MYO1D: variants seen among roughly 807,000 people sequenced by gnomAD.
MYO1D encodes the protein myosin ID.
Under a neutral mutation model 122.0 loss-of-function variants are expected in MYO1D, and 83 were observed. The observed-to-expected ratio is 0.68, with a 90% CI of 0.57 to 0.82. The LOEUF (loss-of-function observed/expected upper bound fraction) is 0.82, where lower values mean the gene tolerates loss of function less well. MYO1D is among the 40% of genes least tolerant of loss of function. The pLI is 0.00. For synonymous variants in MYO1D, 464 were observed against 446.9 expected (o/e 1.04, Z -0.48); for missense variants, 1,157 against 1,269.5 (o/e 0.91, Z 1.35).
intron 20 of MYO1D, chr17:32,627,808 A>T (rs1166372698): frequency 6.6e-6 from 1 of 152,202 alleles, no homozygotes; most frequent in African/African-American, 2.4e-5. Flanking sequence ...AGGTAAGGTT[A>T]TATGTTTCGG....
intron 16 of MYO1D, among the ~76,000 whole-genome samples, chr17:32,684,690 A>G (rs1031852713): frequency 6.6e-6 from 1 of 152,292 alleles, no homozygotes; most frequent in South Asian, 2.1e-4. Context: ...GGAAGAAAAT[A>G]CATGGCAGCT....
intron 21 of MYO1D, among the ~76,000 whole-genome samples, chr17:32,518,063 T>C (rs1028516528): frequency 6.6e-6 from 1 of 151,292 alleles, no homozygotes; most frequent in Non-Finnish European, 1.5e-5. Context: ...CATCACCCTC[T>C]GGACAGCACC....
At chr17:32,821,199 A>G (rs1411518161) in intron 1 of MYO1D, among the ~76,000 whole-genome samples, 3 of 152,216 alleles carry the variant, frequency 2.0e-5, no homozygotes. Flanking sequence ...TGCAAGGGAC[A>G]TGATCTCATT....
chr17:32,711,972 T>C lies in MYO1D; in HGVS notation c.2121+16A>G. ...AAAAGCAAAATCTTATCCTTATATA[T>C]AAAATATAAAATTACCTTTTGTAGA... is the stretch of plus-strand genomic sequence containing the variant. On this transcript the variant is annotated intron_variant, in intron 16 of 21. Transcript: ENST00000318217. The C allele has an allele frequency of 6.3e-7, 1 of 1,590,910 alleles. No homozygotes were observed. Among genetic ancestry groups the C allele is most frequent in the African/African-American group, 1.4e-5 (1 of 73,870 alleles).
At chr17:32,555,347 G>T (rs185935899) in intron 21 of MYO1D, among the ~76,000 whole-genome samples, 1 of 152,134 alleles carries the variant, frequency 6.6e-6, no homozygotes, top group East Asian at 1.9e-4. Context: ...ACAATTATAA[G>T]ATAGAATGTA....
At position 32,760,624 on chromosome 17, in the gene MYO1D, T is replaced by A. The variant is rs777640352; in HGVS notation, c.1039A>T (p.Ile347Leu). The change falls in exon 9 of 22, where the codon ATA (isoleucine) becomes TTA (leucine). Residue 347 changes from isoleucine (I) to leucine (L), a missense_variant. Ile to Leu is a conservative substitution (Grantham distance 5, BLOSUM62 2). Coordinates refer to ENST00000318217, the MANE Select transcript of MYO1D (RefSeq NM_015194.3). The stretch of plus-strand genomic sequence containing the variant: ...ATCCAACAAAAAAGGCGCTCATATA[T>A]TGCCTGCAAGGAAAATAGCATCATA... ...SYGRDAFAKA[I>L]YERLFCWIVT... is the part of the protein sequence containing the mutation. 6.2e-7 allele frequency: 1 copy of A among 1,600,650 alleles called. No individual in the cohort carries two copies. Among genetic ancestry groups the A allele is most frequent in the Non-Finnish European group, 8.5e-7 (1 of 1,174,542 alleles).
intron 16 of MYO1D, among the ~76,000 whole-genome samples, chr17:32,708,033 C>T (rs2089329917): frequency 1.3e-5 from 2 of 152,166 alleles, no homozygotes; most frequent in Non-Finnish European, 2.9e-5. Context: ...TTGATCCTCT[C>T]GCTGTAATAA....
Position 32,494,827 on chromosome 17 carries a change from G to T in MYO1D, c.2953C>A (p.Leu985Ile). 1 of 1,613,776 alleles carries T rather than the reference G, an allele frequency of 6.2e-7. No homozygotes were observed. The highest frequency in any genetic ancestry group is 8.5e-7 in the Non-Finnish European group (1 of 1,179,868). The change falls in exon 22 of 22, where the codon CTC becomes ATC. Residue 985 changes from leucine to isoleucine, a missense_variant. By Grantham distance (5) the Leu-to-Ile change is conservative (BLOSUM62 2). Transcript: ENST00000318217. ...GTGAAGTCGGGCTGGGGCTGGTTGA[G>T]CCGCGTCTCCACGGAGACGGTGCAC... Reference protein sequence around the residue: ...KKCTVSVETRLNQPQPDFTKN... With the variant: ...KKCTVSVETRINQPQPDFTKN...
chr17:32,852,093 A>C (rs2090994277), intron 1 of MYO1D, among the ~76,000 whole-genome samples: 1 of 152,224 alleles, frequency 6.6e-6, no homozygotes, highest in African/African-American at 2.4e-5. Context: ...TGGAAGTAGA[A>C]ATTGATATGA....
chr17:32,630,214 C>T (rs1459545101), intron 20 of MYO1D, among the ~76,000 whole-genome samples: 1 of 152,196 alleles, frequency 6.6e-6, no homozygotes, highest in Non-Finnish European at 1.5e-5. Context: ...GCAACAAGCA[C>T]ATCTAGTATT....
chr17:32,779,865 T>C (rs534563106), intron 2 of MYO1D, among the ~76,000 whole-genome samples: 318 of 152,302 alleles, frequency 2.1e-3, no homozygotes, highest in African/African-American at 7.4e-3. Flanking sequence ...GAATAATGAT[T>C]ATAAAAGTGT....
chr17:32,661,246 A>T (rs919586928), intron 16 of MYO1D, among the ~76,000 whole-genome samples: 2 of 152,216 alleles, frequency 1.3e-5, no homozygotes, highest in African/African-American at 4.8e-5. Flanking sequence ...ACAAAAATGC[A>T]TATAAAAAAA....
At chr17:32,734,918 A>AC in intron 14 of MYO1D, 1 of 151,848 alleles carries the variant, frequency 6.6e-6, no homozygotes, top group African/African-American at 2.4e-5. Context: ...AAAAATACAA[A>AC]AAAAAAAAAA....
At chr17:32,672,332 A>G (rs970489627) in intron 16 of MYO1D, among the ~76,000 whole-genome samples, 1 of 152,252 alleles carries the variant, frequency 6.6e-6, no homozygotes, top group African/African-American at 2.4e-5. Context: ...AATGGTATAT[A>G]AAGCAATAAT....
intron 21 of MYO1D, among the ~76,000 whole-genome samples, chr17:32,574,459 C>A (rs556698796): frequency 2.6e-5 from 4 of 152,262 alleles, no homozygotes; most frequent in Non-Finnish European, 4.4e-5. Flanking sequence ...TCCACAAATT[C>A]TTCTCCAAAT....
Position 32,818,125 on chromosome 17 carries a change from CAAAAAAA to C in MYO1D, c.96-37348_96-37342del, listed in dbSNP as rs58466009. On this transcript the variant is annotated intron_variant, in intron 1 of 21. Coordinates refer to ENST00000318217, the MANE Select transcript of MYO1D (RefSeq NM_015194.3). ...TGGGCGACAGAGCGAGACTCCGTCT[CAAAAAAA>C]AAAAAAAAAAAAAGAGGTAGTAGGT... Among the ~76,000 whole-genome samples, 17 of 46,004 alleles carry C rather than the reference CAAAAAAA, an allele frequency of 3.7e-4. 1 individual carries two copies. Among genetic ancestry groups the C allele is most frequent in the African/African-American group, 6.0e-4 (9 of 15,006 alleles). The allele number at this position is 46,004 out of a possible 152,430, so 30.2% of individuals were successfully genotyped here. A position where few individuals can be genotyped will look rare whatever the true frequency, so the allele number is the denominator to read the frequency against.
At chr17:32,847,798 A>G (rs886615139) in intron 1 of MYO1D, among the ~76,000 whole-genome samples, 1 of 152,190 alleles carries the variant, frequency 6.6e-6, no homozygotes, top group Non-Finnish European at 1.5e-5. Flanking sequence ...TACAGTCATG[A>G]GCCACCATGC....
rs137916141 is a variant in MYO1D at position 32,802,224 on chromosome 17, A to T, written c.96-21440T>A. Among the ~76,000 whole-genome samples the T allele has an allele frequency of 3.9e-5, 6 of 152,346 alleles. 1 individual carries two copies. The East Asian group carries it at 1.2e-3, about 29-fold the overall frequency. On this transcript the variant is annotated intron_variant, in intron 1 of 21. Transcript: ENST00000318217. ...GTACCTAATATGTAGATGCCTACAC[A>T]TCACCACATATGTATATATTTTGCT... is the stretch of plus-strand genomic sequence containing the variant.
At chr17:32,594,349 A>T (rs774380049) in intron 21 of MYO1D, 1 of 403,288 alleles carries the variant, frequency 2.5e-6, no homozygotes, top group African/African-American at 2.0e-5. Context: ...TTCCTTTCAC[A>T]TCAATTCTAT....
Sources: gnomAD v4.1 joint callset for allele counts (sites outside exome capture counted in the v4.1 genomes callset) on GRCh38, gnomAD v4.1.1 for gene constraint, MANE v1.5 for transcripts, NCBI Gene and HGNC (gene_info 2026-07-23, HGNC 2026-07-21) for gene names.